DNAAF6: variants seen among roughly 807,000 people sequenced by gnomAD.
The protein encoded by DNAAF6 is dynein axonemal assembly factor 6.
In DNAAF6, 3 loss-of-function variants were observed where a neutral mutation model predicts 13.7. The ratio of observed to expected loss-of-function variants is 0.22; its 90% CI spans 0.10 to 0.56. The LOEUF (loss-of-function observed/expected upper bound fraction) is 0.56. Ranked by LOEUF, DNAAF6 falls within the 20% of genes least tolerant of loss-of-function variation. The pLI, the probability that DNAAF6 is intolerant of heterozygous loss-of-function variation, is 0.92. For missense variants in DNAAF6, 130 were observed against 151.0 expected (o/e 0.86, Z 0.73); for synonymous variants, 54 against 49.2 (o/e 1.10, Z -0.41).
intron 5 of DNAAF6, among the ~76,000 whole-genome samples, chrX:107,227,876 G>C (rs914655470): frequency 1.8e-5 from 2 of 111,097 alleles, no homozygotes; most frequent in Admixed American, 9.6e-5. Context: ...AAAATTGAGA[G>C]AGAGAGTGTG....
chrX:107,212,246 G>T (rs746992608), intron 1 of DNAAF6, among the ~76,000 whole-genome samples: 1 of 110,634 alleles, frequency 9.0e-6, no homozygotes, highest in African/African-American at 3.3e-5. Flanking sequence ...TCCACTGTGG[G>T]TACCTAGGTG....
At position 107,242,833 on chromosome X, in the gene DNAAF6, T is replaced by C. The variant is rs1018290130; in HGVS notation, c.516-336T>C. Among the ~76,000 whole-genome samples, 62 of 111,941 alleles carry C rather than the reference T, an allele frequency of 5.5e-4. 1 individual carries two copies. The highest frequency in any genetic ancestry group is 2.1e-4 in the Non-Finnish European group (11 of 53,173). On this transcript the variant is annotated intron_variant, in intron 6 of 6. Coordinates refer to ENST00000372453, the MANE Select transcript of DNAAF6 (RefSeq NM_173494.2). Reference sequence around the variant, plus strand: ...GTATCCGTCGGCCACATTGCATCTATACATAAGTATGAGTGGCAACAGATC... The same window carrying C: ...GTATCCGTCGGCCACATTGCATCTACACATAAGTATGAGTGGCAACAGATC...
chrX:107,244,134 AT>A lies in DNAAF6; in HGVS notation c.*842del, dbSNP rs1928681445. On this transcript the variant is annotated 3_prime_UTR_variant, in exon 7 of 7. Coordinates refer to ENST00000372453, the MANE Select transcript of DNAAF6 (RefSeq NM_173494.2). ...GCTTGGATATAGTTAGGTTAAAAAC[AT>A]TTTTTATATGCACTAATAATTATTA... 8.9e-6 allele frequency: 1 copy of A among 112,501 alleles called. No individual in the cohort carries two copies. The highest frequency in any genetic ancestry group is 9.5e-5 in the Admixed American group (1 of 10,573). The allele number at this position is 112,501 out of a possible 1,213,427, so 9.3% of individuals were successfully genotyped here. A position where few individuals can be genotyped will look rare whatever the true frequency, so the allele number is the denominator to read the frequency against.
At chrX:107,218,440 AT>A (rs1249644316) in intron 3 of DNAAF6, among the ~76,000 whole-genome samples, 11 of 110,971 alleles carry the variant, frequency 9.9e-5, no homozygotes, top group Admixed American at 9.7e-4. Context: ...TGTAGTTGTA[AT>A]TTTTTCTTTT....
intron 5 of DNAAF6, 140 bp from the exon 6 acceptor site, chrX:107,238,782 C>G (rs1401706613): frequency 2.9e-5 from 29 of 1,006,913 alleles, no homozygotes; most frequent in Non-Finnish European, 3.8e-5. Flanking sequence ...CTCTGCTGCT[C>G]AAGATTGACA....
intron 3 of DNAAF6, among the ~76,000 whole-genome samples, chrX:107,218,162 TA>T (rs1928035961): frequency 8.9e-6 from 1 of 111,992 alleles, no homozygotes; most frequent in African/African-American, 3.2e-5. Flanking sequence ...CTACAATAGT[TA>T]AAACAAATGT....
intron 5 of DNAAF6, among the ~76,000 whole-genome samples, chrX:107,227,504 G>A (rs1381713612): frequency 5.5e-5 from 6 of 109,341 alleles, no homozygotes; most frequent in Admixed American, 9.8e-5. Context: ...TTTTTGGTAG[G>A]CTTCCTGATT....
chrX:107,214,371 AT>A (rs1410362694), intron 2 of DNAAF6, among the ~76,000 whole-genome samples: 6 of 111,629 alleles, frequency 5.4e-5, no homozygotes, highest in African/African-American at 2.0e-4. Flanking sequence ...TATATCAAGT[AT>A]TTGAGAAACA....
At chrX:107,239,731 A>G (rs1350454968) in intron 6 of DNAAF6, among the ~76,000 whole-genome samples, 3 of 112,101 alleles carry the variant, frequency 2.7e-5, no homozygotes, top group Admixed American at 9.5e-5. Context: ...CTTGGCTTCT[A>G]TAGTAAATGC....
chrX:107,224,248 T>C (rs915914503), intron 5 of DNAAF6, among the ~76,000 whole-genome samples: 3 of 111,671 alleles, frequency 2.7e-5, no homozygotes, highest in African/African-American at 9.7e-5. Context: ...TGTAAACAAT[T>C]ATAAGTCGAA....
chrX:107,234,737 C>A (rs750688555), intron 5 of DNAAF6, among the ~76,000 whole-genome samples: 1 of 111,904 alleles, frequency 8.9e-6, no homozygotes, highest in African/African-American at 3.2e-5. Flanking sequence ...GGTCAAGTTA[C>A]ATATATTTTT....
chrX:107,212,510 A>T (rs1174433083), intron 1 of DNAAF6, among the ~76,000 whole-genome samples: 1 of 111,882 alleles, frequency 8.9e-6, no homozygotes, highest in Non-Finnish European at 1.9e-5. Flanking sequence ...ATGATGATAC[A>T]TAATGTATCA....
chrX:107,223,809 G>C (rs1928200138), intron 5 of DNAAF6, among the ~76,000 whole-genome samples: 2 of 111,470 alleles, frequency 1.8e-5, no homozygotes, highest in Non-Finnish European at 3.8e-5. Context: ...GTGGCTTTAA[G>C]TACCTCAGGA....
rs1433723197 is a variant in DNAAF6, at chrX:107,243,156, TG to T, written c.516-12del. 2 of 1,195,079 alleles carry T rather than the reference TG, an allele frequency of 1.7e-6. No individual in the cohort carries two copies. The highest frequency in any genetic ancestry group is 2.2e-6 in the Non-Finnish European group (2 of 889,315). On this transcript the variant is annotated splice_polypyrimidine_tract_variant and intron_variant, in intron 6 of 6. Coordinates refer to ENST00000372453, the MANE Select transcript of DNAAF6 (RefSeq NM_173494.2). The stretch of plus-strand genomic sequence containing the variant: ...TTAGGAAGCTAAGGTTTTATTTTGT[TG>T]TTTTTTTTTAGGAAGCTGTTGATAA...
intron 5 of DNAAF6, among the ~76,000 whole-genome samples, chrX:107,224,037 C>A (rs1275699112): frequency 9.0e-6 from 1 of 110,979 alleles, no homozygotes; most frequent in Non-Finnish European, 1.9e-5. Flanking sequence ...GCAAAAATTG[C>A]CACTAGTTTT....
intron 4 of DNAAF6, among the ~76,000 whole-genome samples, chrX:107,220,941 T>TTCTC (rs761950624): frequency 2.4e-4 from 20 of 83,529 alleles, no homozygotes; most frequent in African/African-American, 9.4e-4. Context: ...CTTTCTTTCT[T>TTCTC]TCTTTCTTTC....
chrX:107,222,022 T>C (rs765512811), intron 4 of DNAAF6, among the ~76,000 whole-genome samples: 8 of 111,021 alleles, frequency 7.2e-5, no homozygotes, highest in Non-Finnish European at 1.3e-4. Context: ...ATTGTATTCC[T>C]GGAGGCCCAA....
At chrX:107,236,253 A>C (rs2052846678) in intron 5 of DNAAF6, among the ~76,000 whole-genome samples, 1 of 112,626 alleles carries the variant, frequency 8.9e-6, no homozygotes, top group East Asian at 2.8e-4. Flanking sequence ...AGTTTTCCTT[A>C]GTTTACCTGT....
intron 5 of DNAAF6, among the ~76,000 whole-genome samples, chrX:107,236,302 C>A (rs959344581): frequency 1.9e-4 from 21 of 111,851 alleles, no homozygotes; most frequent in Middle Eastern, 4.6e-3. Flanking sequence ...CAATTTGCAC[C>A]CTATGTAAAG....
Sources: allele counts gnomAD v4.1 joint callset (sites outside exome capture counted in the v4.1 genomes callset), GRCh38; gene constraint gnomAD v4.1.1; transcripts MANE v1.5; gene names NCBI Gene and HGNC (gene_info 2026-07-23, HGNC 2026-07-21).